The following MPDZ variants were observed in gnomAD, a reference collection of about 807,000 sequenced individuals.
MPDZ encodes multiple PDZ domain protein.
A neutral mutation model predicts 239.1 loss-of-function variants in MPDZ; 234 were observed. That is an observed-to-expected ratio of 0.98 (90% CI 0.88 to 1.09). MPDZ has a LOEUF of 1.09. MPDZ is among the 50% of genes least tolerant of loss of function. MPDZ has a pLI of 0.00. For missense variants in MPDZ, 3,175 were observed against 2,510.0 expected (o/e 1.26, Z -5.66); for synonymous variants, 1,048 against 881.3 (o/e 1.19, Z -3.35).
chr9:13,213,193 A>T (rs1957848995), intron 10 of MPDZ, among the ~76,000 whole-genome samples: 1 of 152,090 alleles, frequency 6.6e-6, no homozygotes, highest in Non-Finnish European at 1.5e-5. Context: ...CAAATAGTCA[A>T]ATTATTTAAA....
chr9:13,106,851 C>G lies in MPDZ; in HGVS notation c.*114G>C, dbSNP rs1028025519. The G allele has an allele frequency of 1.8e-5, 21 of 1,141,906 alleles. No homozygotes were observed. In the East Asian group the frequency reaches 2.2e-4, roughly 12 times the overall value. The allele number at this position is 1,141,906 out of a possible 1,614,324, so 70.7% of individuals were successfully genotyped here. ...AAAGAAACTTAAGTGTTATTTCCCC[C>G]CTACAGTTTTGAAGACCCGGCTGAA... On this transcript the variant is annotated 3_prime_UTR_variant, in exon 47 of 47. Coordinates refer to ENST00000319217, the MANE Select transcript of MPDZ (RefSeq NM_001378778.1).
intron 15 of MPDZ, among the ~76,000 whole-genome samples, chr9:13,191,634 T>C (rs911921666): frequency 6.6e-6 from 1 of 152,088 alleles, no homozygotes; most frequent in African/African-American, 2.4e-5. Context: ...TGTCCATCCA[T>C]ATTTTAGCCA....
intron 42 of MPDZ, among the ~76,000 whole-genome samples, chr9:13,112,413 G>A (rs553035499): frequency 6.6e-6 from 1 of 152,194 alleles, no homozygotes; most frequent in Non-Finnish European, 1.5e-5. Context: ...GTAAACTCAT[G>A]AAGTGAAAAG....
Position 13,259,843 on chromosome 9 carries a change from G to GT in MPDZ, c.-57-9472dup, listed in dbSNP as rs532476262. On this transcript the variant is annotated intron_variant, in intron 1 of 46. Transcript: ENST00000319217. ...CTTAAAAAGTTTAGATTTGTTTTTTGTTTTGTTTGAGATGGAGTCTCACTT... is the reference window on the plus strand; with the variant it reads ...CTTAAAAAGTTTAGATTTGTTTTTTGTTTTTGTTTGAGATGGAGTCTCACTT... Among the ~76,000 whole-genome samples, 262 of 152,064 alleles carry GT rather than the reference G, an allele frequency of 1.7e-3. 1 individual carries two copies. The highest frequency in any genetic ancestry group is 5.9e-3 in the African/African-American group (246 of 41,490).
At chr9:13,241,917 T>C (rs1414815814) in intron 3 of MPDZ, among the ~76,000 whole-genome samples, 2 of 152,132 alleles carry the variant, frequency 1.3e-5, no homozygotes, top group Non-Finnish European at 2.9e-5. Context: ...ACCTCAGATA[T>C]TTGAAGCTGA....
chr9:13,205,833 G>A (rs1956923020), intron 11 of MPDZ, 83 bp downstream of exon 11: 3 of 1,255,722 alleles, frequency 2.4e-6, no homozygotes, highest in South Asian at 3.5e-5. Flanking sequence ...GAACCATTCT[G>A]AAATAGTAAG....
intron 3 of MPDZ, among the ~76,000 whole-genome samples, chr9:13,232,495 C>T (rs1003635508): frequency 2.0e-5 from 3 of 151,882 alleles, no homozygotes; most frequent in Admixed American, 1.3e-4. Flanking sequence ...TATAAACATA[C>T]ACATGCACAT....
At chr9:13,237,706 G>A (rs569195383) in intron 3 of MPDZ, among the ~76,000 whole-genome samples, 5 of 152,082 alleles carry the variant, frequency 3.3e-5, no homozygotes, top group Admixed American at 6.6e-5. Context: ...AGTATTTGCC[G>A]CCCATAATAA....
chr9:13,233,616 A>G (rs919898474), intron 3 of MPDZ, among the ~76,000 whole-genome samples: 3 of 152,136 alleles, frequency 2.0e-5, no homozygotes, highest in African/African-American at 7.2e-5. Flanking sequence ...CCTTGGGCAC[A>G]CTTTTTCCCT....
chr9:13,267,572 G>A (rs376240186), intron 1 of MPDZ, among the ~76,000 whole-genome samples: 9 of 152,144 alleles, frequency 5.9e-5, no homozygotes, highest in East Asian at 3.9e-4. Flanking sequence ...CTTCCAAGAA[G>A]CAGAAATGAA....
Position 13,119,585 on chromosome 9 carries a change from G to C in MPDZ, c.5296C>G (p.Leu1766Val), listed in dbSNP as rs202061722. The C allele has an allele frequency of 2.5e-6, 4 of 1,613,966 alleles. No homozygotes were observed. Among genetic ancestry groups the C allele is most frequent in the Non-Finnish European group, 3.4e-6 (4 of 1,179,850 alleles). The change falls in exon 39 of 47, where the codon CTG (leucine) becomes GTG (valine). Residue 1766 changes from leucine to valine, a missense_variant. Transcript: ENST00000319217. ...KGGIADADGRLMQGDQILMVN... is the reference protein window; with the variant it reads ...KGGIADADGRVMQGDQILMVN... Reference sequence around the variant, plus strand: ...ATTAATATCTGGTCTCCCTGCATCAGTCTTCCATCGGCATCTGCAATTCCT... The same window carrying C: ...ATTAATATCTGGTCTCCCTGCATCACTCTTCCATCGGCATCTGCAATTCCT...
At chr9:13,122,565 G>C (rs1944516674) in intron 36 of MPDZ, among the ~76,000 whole-genome samples, 1 of 147,808 alleles carries the variant, frequency 6.8e-6, no homozygotes, top group Admixed American at 6.8e-5. Flanking sequence ...CTGTCACCCA[G>C]GCTGGAGTGC....
At chr9:13,208,784 C>G (rs1243151929) in intron 10 of MPDZ, among the ~76,000 whole-genome samples, 1 of 151,952 alleles carries the variant, frequency 6.6e-6, no homozygotes, top group East Asian at 1.9e-4. Flanking sequence ...CCAGAAACCT[C>G]TGATCTAGAT....
chr9:13,149,328 T>C (rs951455718), intron 25 of MPDZ, among the ~76,000 whole-genome samples: 3 of 152,062 alleles, frequency 2.0e-5, no homozygotes, highest in Admixed American at 6.6e-5. Context: ...TGATATGTTA[T>C]AATCTTCTTC....
At chr9:13,261,407 T>C (rs1970656289) in intron 1 of MPDZ, among the ~76,000 whole-genome samples, 1 of 152,190 alleles carries the variant, frequency 6.6e-6, no homozygotes, top group Non-Finnish European at 1.5e-5. Flanking sequence ...AACACACCTA[T>C]TTGTTCAAAC....
At chr9:13,143,630 G>A in intron 26 of MPDZ, 66 bp from the exon 27 acceptor site, 1 of 1,259,120 alleles carries the variant, frequency 7.9e-7, no homozygotes, top group Non-Finnish European at 1.2e-6. Context: ...AGTTTTAAAA[G>A]CAAAGTACAT....
chr9:13,264,889 G>C (rs1049928972), intron 1 of MPDZ, among the ~76,000 whole-genome samples: 2 of 152,144 alleles, frequency 1.3e-5, no homozygotes, highest in African/African-American at 4.8e-5. Flanking sequence ...TCACTCCTTA[G>C]TTAGACCCAA....
intron 35 of MPDZ, 30 bp from the exon 36 acceptor site, chr9:13,123,328 TA>T (rs1382779613): frequency 6.4e-7 from 1 of 1,558,382 alleles, no homozygotes; most frequent in African/African-American, 1.4e-5. Context: ...GAAATACAAA[TA>T]AAAATTGGTT....
intron 14 of MPDZ, among the ~76,000 whole-genome samples, chr9:13,192,624 C>T (rs902047984): frequency 6.6e-6 from 1 of 151,728 alleles, no homozygotes; most frequent in Non-Finnish European, 1.5e-5. Flanking sequence ...AAAACTTTGA[C>T]ATTTTGTATA....
Sources: allele counts gnomAD v4.1 joint callset (sites outside exome capture counted in the v4.1 genomes callset), GRCh38; gene constraint gnomAD v4.1.1; transcripts MANE v1.5; gene names NCBI Gene and HGNC (gene_info 2026-07-23, HGNC 2026-07-21).